LRP1B: variants seen among roughly 807,000 people sequenced by gnomAD.
The protein encoded by LRP1B is LDL receptor related protein 1B, also known as low-density lipoprotein receptor-related protein 1B.
LRP1B carries 217 observed loss-of-function variants against 556.6 expected under a neutral mutation model. That is an observed-to-expected ratio of 0.39 (90% CI 0.35 to 0.44). LRP1B has a LOEUF of 0.44. Among genes scored for constraint, LRP1B ranks in the 20% least tolerant of loss-of-function variants. The pLI, the probability that LRP1B is intolerant of heterozygous loss-of-function variation, is 1.00. For missense variants in LRP1B, 5,053 were observed against 5,620.8 expected, an observed-to-expected ratio of 0.90 and a Z score of 3.23; for synonymous variants, 2,047 against 1,865.8, an observed-to-expected ratio of 1.10 and a Z score of -2.50.
intron 41 of LRP1B, among the ~76,000 whole-genome samples, chr2:140,636,616 A>C (rs1218845707): frequency 1.3e-5 from 2 of 152,196 alleles, no homozygotes; most frequent in Admixed American, 1.3e-4. Flanking sequence ...ACATATTTTA[A>C]AAGCATACCA....
intron 2 of LRP1B, among the ~76,000 whole-genome samples, chr2:141,575,910 C>T (rs1478731035): frequency 6.6e-6 from 1 of 152,066 alleles, no homozygotes. Context: ...CATCTCATGC[C>T]AGTCATAATG....
intron 41 of LRP1B, among the ~76,000 whole-genome samples, chr2:140,664,499 A>T (rs1214535357): frequency 6.6e-6 from 1 of 152,188 alleles, no homozygotes; most frequent in African/African-American, 2.4e-5. Context: ...GAAAGAAATC[A>T]ATGGAAAATA....
At chr2:141,646,916 G>T in intron 2 of LRP1B, among the ~76,000 whole-genome samples, 1 of 152,152 alleles carries the variant, frequency 6.6e-6, no homozygotes, top group Non-Finnish European at 1.5e-5. Flanking sequence ...CTCCAGCTTT[G>T]CCAGGATGGT....
intron 1 of LRP1B, among the ~76,000 whole-genome samples, chr2:141,845,360 A>AG (rs1316387325): frequency 6.6e-6 from 1 of 151,994 alleles, no homozygotes; most frequent in Non-Finnish European, 1.5e-5. Flanking sequence ...AAGAATTCAT[A>AG]GAAAAAAAAT....
intron 1 of LRP1B, among the ~76,000 whole-genome samples, chr2:142,002,638 G>T (rs907365569): frequency 1.1e-4 from 17 of 151,608 alleles, no homozygotes; most frequent in Non-Finnish European, 2.2e-4. Flanking sequence ...CTTCAGACAG[G>T]TACTCACTGA....
At chr2:141,189,704 A>AT (rs1681416804) in intron 6 of LRP1B, among the ~76,000 whole-genome samples, 1 of 152,026 alleles carries the variant, frequency 6.6e-6, no homozygotes, top group African/African-American at 2.4e-5. Context: ...CAAATTTAAC[A>AT]AGTGACTACT....
chr2:141,048,937 A>G (rs1012012368), intron 11 of LRP1B, 49 bp downstream of exon 11: 5 of 1,369,834 alleles, frequency 3.7e-6, no homozygotes, highest in Middle Eastern at 3.6e-4. Context: ...ATCCTTTTAA[A>G]GTGCTTCATC....
Position 141,683,881 on chromosome 2 carries a change from CCA to C in LRP1B, c.205+126396_205+126397del, listed in dbSNP as rs374418226. The stretch of plus-strand genomic sequence containing the variant: ...AAGAACAGAGAAATGCAAATCAAAG[CCA>C]CAATGACATACCATCTCATGCTAGT... On this transcript the variant is annotated intron_variant, in intron 2 of 90. Coordinates refer to ENST00000389484, the MANE Select transcript of LRP1B (RefSeq NM_018557.3). 2.1e-3 allele frequency among the ~76,000 whole-genome samples: 318 copies of C among 152,072 alleles called. 2 individuals carry two copies. The highest frequency in any genetic ancestry group is 7.0e-3 in the African/African-American group (292 of 41,504).
In LRP1B at chr2:140,831,752, A is replaced by G. The variant is rs201346774; in HGVS notation, c.5209+8239T>C. Among the ~76,000 whole-genome samples, 12 of 152,346 alleles carry G rather than the reference A, an allele frequency of 7.9e-5. No individual in the cohort carries two copies. In the East Asian group the frequency reaches 1.9e-3, roughly 24 times the overall value. ...AAGAACAAATCTACAGAATGGAAGA[A>G]AATATTTACAAACTATCCATCTGAC... On this transcript the variant is annotated intron_variant, in intron 31 of 90. Transcript: ENST00000389484.
intron 7 of LRP1B, among the ~76,000 whole-genome samples, chr2:141,100,001 T>C (rs1441615109): frequency 2.0e-5 from 3 of 152,184 alleles, no homozygotes; most frequent in African/African-American, 7.2e-5. Flanking sequence ...AATGACATTG[T>C]CTGAATAATG....
intron 31 of LRP1B, among the ~76,000 whole-genome samples, chr2:140,819,108 T>A (rs1691230728): frequency 6.6e-6 from 1 of 152,148 alleles, no homozygotes; most frequent in African/African-American, 2.4e-5. Context: ...TCCACCATTG[T>A]GAGGTGGTAA....
chr2:140,357,656 T>TTTATAAAAC (rs1682290980), intron 74 of LRP1B, among the ~76,000 whole-genome samples: 1 of 151,598 alleles, frequency 6.6e-6, no homozygotes, highest in Non-Finnish European at 1.5e-5. Flanking sequence ...AATATCACCG[T>TTTATAAAAC]TTATAAAACT....
chr2:141,878,820 T>C (rs1698858908), intron 1 of LRP1B, among the ~76,000 whole-genome samples: 1 of 151,910 alleles, frequency 6.6e-6, no homozygotes, highest in Non-Finnish European at 1.5e-5. Context: ...AATTTTTTTT[T>C]ATTTATGGGA....
intron 1 of LRP1B, among the ~76,000 whole-genome samples, chr2:142,085,048 T>G (rs1705863586): frequency 6.6e-6 from 1 of 152,192 alleles, no homozygotes; most frequent in South Asian, 2.1e-4. Flanking sequence ...CCTGAAACTT[T>G]TCAGCTTCTA....
chr2:141,455,997 C>T (rs72989007), intron 3 of LRP1B, among the ~76,000 whole-genome samples: 2,735 of 152,278 alleles, frequency 0.018, 110 homozygotes, highest in African/African-American at 0.062. Flanking sequence ...TATCCATGGG[C>T]TTCTGGCTGA....
chr2:140,244,360 A>G (rs1328726853), intron 87 of LRP1B, among the ~76,000 whole-genome samples: 1 of 151,300 alleles, frequency 6.6e-6, no homozygotes, highest in East Asian at 2.0e-4. Context: ...ATAGTAAAAT[A>G]CAGCATCTCT....
intron 1 of LRP1B, among the ~76,000 whole-genome samples, chr2:141,833,949 A>T (rs1406032779): frequency 6.7e-6 from 1 of 149,446 alleles, no homozygotes; most frequent in South Asian, 2.1e-4. Flanking sequence ...AAGAGGCAAA[A>T]CTTACCACTT....
chr2:141,698,600 T>A (rs535872062), intron 2 of LRP1B, among the ~76,000 whole-genome samples: 10 of 152,018 alleles, frequency 6.6e-5, no homozygotes, highest in Admixed American at 2.6e-4. Context: ...CTTCAAGCTA[T>A]GTTCAATAGC....
chr2:140,241,284 T>C (rs1332874853), intron 87 of LRP1B, among the ~76,000 whole-genome samples: 1 of 150,876 alleles, frequency 6.6e-6, no homozygotes, highest in African/African-American at 2.4e-5. Context: ...AAGTTTTAAA[T>C]ACCAGAGAAC....
Sources: gnomAD v4.1 joint callset for allele counts (sites outside exome capture counted in the v4.1 genomes callset) on GRCh38, gnomAD v4.1.1 for gene constraint, MANE v1.5 for transcripts, NCBI Gene and HGNC (gene_info 2026-07-23, HGNC 2026-07-21) for gene names.